The following CALD1 variants were observed in gnomAD, a reference collection of about 807,000 sequenced individuals.
CALD1 encodes the protein caldesmon 1.
CALD1 carries 33 observed loss-of-function variants against 99.9 expected under a neutral mutation model. That is an observed-to-expected ratio of 0.33 (90% CI 0.25 to 0.44). The LOEUF is 0.44. Among genes scored for constraint, CALD1 ranks in the 20% least tolerant of loss-of-function variants. CALD1 has a pLI of 1.00. For synonymous variants in CALD1, 310 were observed against 325.0 expected, an observed-to-expected ratio of 0.95 and a Z score of 0.50; for missense variants, 861 against 962.1, an observed-to-expected ratio of 0.89 and a Z score of 1.39.
intron 13 of CALD1, chr7:134,963,008 G>C (rs1266080388): frequency 2.2e-6 from 1 of 445,732 alleles, no homozygotes; most frequent in Non-Finnish European, 4.5e-6. Flanking sequence ...TTCTTAAAAG[G>C]ACTCTTTAAA....
chr7:134,811,886 T>C (rs998186289), intron 1 of CALD1, among the ~76,000 whole-genome samples: 2 of 147,530 alleles, frequency 1.4e-5, no homozygotes, highest in East Asian at 4.0e-4. Context: ...ATATGTGCTA[T>C]TTTTTTTTCC....
chr7:134,877,957 T>C (rs941987509), intron 3 of CALD1, among the ~76,000 whole-genome samples: 4 of 152,146 alleles, frequency 2.6e-5, no homozygotes, highest in African/African-American at 9.7e-5. Flanking sequence ...AGTAATCCTA[T>C]GTAATATATA....
At chr7:134,754,964 A>C (rs1277771064) in intron 1 of CALD1, among the ~76,000 whole-genome samples, 2 of 151,550 alleles carry the variant, frequency 1.3e-5, no homozygotes, top group African/African-American at 4.9e-5. Flanking sequence ...ACCATTTTAC[A>C]TTACTCTACT....
chr7:134,924,310 A>T (rs772020626), intron 3 of CALD1, among the ~76,000 whole-genome samples: 20 of 152,102 alleles, frequency 1.3e-4, no homozygotes, highest in Admixed American at 2.0e-4. Context: ...GTTTGGTTTT[A>T]AAAAAAATTT....
intron 1 of CALD1, among the ~76,000 whole-genome samples, chr7:134,797,762 T>A (rs1157941562): frequency 6.6e-6 from 1 of 152,104 alleles, no homozygotes; most frequent in East Asian, 1.9e-4. Context: ...CGGCTAATTT[T>A]TGTATTTTTA....
At chr7:134,900,274 CT>C (rs1315207559) in intron 3 of CALD1, among the ~76,000 whole-genome samples, 1 of 152,134 alleles carries the variant, frequency 6.6e-6, no homozygotes, top group Non-Finnish European at 1.5e-5. Flanking sequence ...GATTTCATGA[CT>C]GCTGTATAGC....
chr7:134,889,076 G>C (rs1194707881), intron 3 of CALD1, among the ~76,000 whole-genome samples: 1 of 152,166 alleles, frequency 6.6e-6, no homozygotes, highest in Non-Finnish European at 1.5e-5. Context: ...GGGGAGGAGG[G>C]AATCAGGAGG....
chr7:134,960,624 C>T lies in CALD1; in HGVS notation c.2291C>T (p.Pro764Leu), dbSNP rs116056654. The T allele has an allele frequency of 5.2e-4, 837 of 1,599,028 alleles. 8 individuals carry two copies. The African/African-American group carries it at 0.01, about 19-fold the overall frequency. ...GGAAACAAGTCACCTGCTCCCAAAC[C>T]TTCTGTAAGTACCTTTAGGTTTTTC... Reference protein sequence around the residue: ...PDGNKSPAPKPSDLRPGDVSS... With the variant: ...PDGNKSPAPKLSDLRPGDVSS... Residue 764 changes from proline to leucine, a missense_variant, in exon 13 of 15, where the codon CCT becomes CTT. Transcript: ENST00000361675.
At position 134,932,970 on chromosome 7, in the gene CALD1, G is replaced by C. The variant is rs372544119; in HGVS notation, c.219-18G>C. On this transcript the variant is annotated intron_variant, in intron 4 of 14. Transcript: ENST00000361675. ...GAATGAGCAAGCTGTCTTTGGTGTT[G>C]TTCTTTCTGTTGTACAGTGTGCCTG... The C allele has an allele frequency of 1.4e-5, 22 of 1,554,158 alleles. No individual in the cohort carries two copies. Among genetic ancestry groups the C allele is most frequent in the African/African-American group, 4.1e-5 (3 of 73,012 alleles).
chr7:134,885,864 G>A (rs186630145), intron 3 of CALD1, among the ~76,000 whole-genome samples: 1 of 151,608 alleles, frequency 6.6e-6, no homozygotes. Context: ...CGTTTTCACC[G>A]AGACCAGAAC....
At chr7:134,916,504 T>C (rs998954157) in intron 3 of CALD1, among the ~76,000 whole-genome samples, 5 of 152,046 alleles carry the variant, frequency 3.3e-5, no homozygotes, top group African/African-American at 1.2e-4. Flanking sequence ...GTTATGAAAA[T>C]CTATTACCCA....
At chr7:134,932,280 A>G (rs1805579684) in intron 4 of CALD1, among the ~76,000 whole-genome samples, 1 of 152,202 alleles carries the variant, frequency 6.6e-6, no homozygotes. Flanking sequence ...CATTGGGGTC[A>G]CTGGCGTGAG....
At chr7:134,851,248 T>C (rs1438029519) in intron 2 of CALD1, among the ~76,000 whole-genome samples, 1 of 152,198 alleles carries the variant, frequency 6.6e-6, no homozygotes, top group Non-Finnish European at 1.5e-5. Context: ...TCATGCCTGA[T>C]ATAAATGAAT....
chr7:134,931,966 A>G (rs908106992), intron 4 of CALD1, among the ~76,000 whole-genome samples: 3 of 152,174 alleles, frequency 2.0e-5, no homozygotes, highest in African/African-American at 7.2e-5. Flanking sequence ...ACCATTATGC[A>G]TATTTCTGTC....
chr7:134,873,213 C>A (rs949006265), intron 3 of CALD1, among the ~76,000 whole-genome samples: 2 of 142,018 alleles, frequency 1.4e-5, no homozygotes, highest in Non-Finnish European at 3.1e-5. Context: ...ACAAAAAAAA[C>A]CCAAAAAACA....
At chr7:134,858,020 C>G (rs1324858630) in intron 2 of CALD1, among the ~76,000 whole-genome samples, 1 of 151,746 alleles carries the variant, frequency 6.6e-6, no homozygotes, top group Admixed American at 6.6e-5. Flanking sequence ...TATCACTAAA[C>G]TGGAAGTGTT....
chr7:134,745,733 T>G (rs1796630018), intron 1 of CALD1, among the ~76,000 whole-genome samples: 1 of 152,240 alleles, frequency 6.6e-6, no homozygotes, highest in Non-Finnish European at 1.5e-5. Flanking sequence ...TTTGCTATAC[T>G]TTAGAAATAG....
At position 134,914,628 on chromosome 7, in the gene CALD1, C is replaced by T. The variant is rs548254998; in HGVS notation, c.72-14126C>T. On this transcript the variant is annotated intron_variant, in intron 3 of 14. Coordinates refer to ENST00000361675, the MANE Select transcript of CALD1 (RefSeq NM_033138.4). The stretch of plus-strand genomic sequence containing the variant: ...GGCGCCTCACTAATGCCCTTCATGC[C>T]TTCCAAGCCCTAGCCAGATGGAATT... Among the ~76,000 whole-genome samples, 27 of 152,326 alleles carry T rather than the reference C, an allele frequency of 1.8e-4. 1 individual carries two copies. The South Asian group carries it at 5.6e-3, about 32-fold the overall frequency.
intron 8 of CALD1, chr7:134,948,223 C>CTT (rs879472371): frequency 7.7e-5 from 11 of 142,058 alleles, no homozygotes; most frequent in East Asian, 2.1e-4. Flanking sequence ...TTTTTTAAAT[C>CTT]TTTTTTTTTT....
Sources: gnomAD v4.1 joint callset for allele counts (sites outside exome capture counted in the v4.1 genomes callset) on GRCh38, gnomAD v4.1.1 for gene constraint, MANE v1.5 for transcripts, NCBI Gene and HGNC (gene_info 2026-07-23, HGNC 2026-07-21) for gene names.